The following SLC25A16 variants were observed in gnomAD, a reference collection of about 807,000 sequenced individuals.
SLC25A16 encodes the protein solute carrier family 25 member 16.
In SLC25A16, 39 loss-of-function variants were observed where a neutral mutation model predicts 41.5. That is an observed-to-expected ratio of 0.94 (90% CI 0.73 to 1.23). The LOEUF is 1.23. SLC25A16 is among the 50% of genes most tolerant of loss of function. The probability of loss-of-function intolerance (pLI) is 0.00; values close to 1 mark genes in which losing one functional copy is unlikely to be tolerated. For synonymous variants in SLC25A16, 146 were observed against 147.8 expected, an observed-to-expected ratio of 0.99 and a Z score of 0.09; for missense variants, 421 against 426.9, an observed-to-expected ratio of 0.99 and a Z score of 0.12.
rs2052963769 is a variant in SLC25A16, at chr10:68,506,828, C to T, written c.224-110G>A. 3 of 614,330 alleles carry T rather than the reference C, an allele frequency of 4.9e-6. No homozygotes were observed. In the South Asian group the frequency reaches 8.8e-5, roughly 18 times the overall value. 38.1% of individuals were successfully genotyped at this position (614,330 alleles called of 1,614,324 possible). ...TGCCATCACTCAAGATATAATTTTG[C>T]TTGAGGGATTACATGAATAGTAATT... On this transcript the variant is annotated intron_variant, in intron 2 of 8. Coordinates refer to ENST00000609923, the MANE Select transcript of SLC25A16 (RefSeq NM_152707.4).
chr10:68,518,542 G>A (rs761409574), intron 1 of SLC25A16, among the ~76,000 whole-genome samples: 5 of 151,984 alleles, frequency 3.3e-5, no homozygotes, highest in African/African-American at 9.7e-5. Flanking sequence ...TTGGGAGGCC[G>A]AGGCGGGCAG....
At chr10:68,506,517 A>G (rs2052957119) in intron 3 of SLC25A16, 68 bp downstream of exon 3, 1 of 1,087,036 alleles carries the variant, frequency 9.2e-7, no homozygotes, top group Non-Finnish European at 1.3e-6. Flanking sequence ...AAATGTCCAA[A>G]GCAAATGCCT....
intron 4 of SLC25A16, among the ~76,000 whole-genome samples, chr10:68,495,004 G>A (rs72797532): frequency 0.057 from 8,645 of 151,596 alleles, 388 homozygotes; most frequent in Non-Finnish European, 0.083. Context: ...GAGGTGTGTG[G>A]GTACCATGGC....
chr10:68,518,546 C>T (rs185933067), intron 1 of SLC25A16, among the ~76,000 whole-genome samples: 5 of 151,236 alleles, frequency 3.3e-5, no homozygotes, highest in Admixed American at 2.0e-4. Flanking sequence ...GAGGCCGAGG[C>T]GGGCAGATCA....
At chr10:68,509,016 TTAG>T (rs1306912291) in intron 2 of SLC25A16, among the ~76,000 whole-genome samples, 4 of 152,116 alleles carry the variant, frequency 2.6e-5, no homozygotes, top group South Asian at 2.1e-4. Context: ...AGAGAAACCA[TTAG>T]TAGAAGTGAA....
intron 2 of SLC25A16, among the ~76,000 whole-genome samples, chr10:68,509,987 G>A (rs1465002494): frequency 1.3e-5 from 2 of 150,732 alleles, no homozygotes; most frequent in African/African-American, 4.9e-5. Context: ...TAAGGCGGGA[G>A]AATCGCTTGA....
intron 4 of SLC25A16, chr10:68,499,607 A>C: frequency 3.1e-6 from 1 of 323,664 alleles, no homozygotes; most frequent in African/African-American, 2.2e-5. Context: ...ATCCAACATT[A>C]GCAGGAAGAT....
At chr10:68,523,536 G>A (rs548831314) in intron 1 of SLC25A16, among the ~76,000 whole-genome samples, 138 of 152,150 alleles carry the variant, frequency 9.1e-4, no homozygotes, top group African/African-American at 3.2e-3. Context: ...GCAGTGGAGC[G>A]ATCTTGTCTC....
At chr10:68,512,143 A>G (rs1237804163) in intron 2 of SLC25A16, among the ~76,000 whole-genome samples, 1 of 152,202 alleles carries the variant, frequency 6.6e-6, no homozygotes, top group Non-Finnish European at 1.5e-5. Context: ...TTGCAGAGGC[A>G]GGGCACAGTG....
intron 4 of SLC25A16, among the ~76,000 whole-genome samples, chr10:68,494,252 C>T (rs2052710047): frequency 6.6e-6 from 1 of 151,616 alleles, no homozygotes; most frequent in South Asian, 2.1e-4. Context: ...ATTATGAGGT[C>T]AAGAGATCGA....
chr10:68,520,406 T>C (rs1056317619), intron 1 of SLC25A16, among the ~76,000 whole-genome samples: 3 of 151,976 alleles, frequency 2.0e-5, no homozygotes, highest in South Asian at 2.1e-4. Context: ...CCGGGCACAA[T>C]GGCTCATGCC....
Position 68,488,623 on chromosome 10 carries a change from G to T in SLC25A16, c.617C>A (p.Ser206Ter). ...ILGMAPYAGV[S>*]FFTFGTLKSV... ...CTTCAAGGTACCAAAAGTAAAAAAT[G>T]AAACACCTGAAAAACAAAAAATAAA... The change falls in exon 7 of 9, where the codon TCA (serine) becomes TAA (stop). Residue 206 changes from serine to a stop codon, truncating the protein, a stop_gained. Coordinates refer to ENST00000609923, the MANE Select transcript of SLC25A16 (RefSeq NM_152707.4). LOFTEE classifies it high-confidence loss of function. 1 of 1,612,286 alleles carries T rather than the reference G, an allele frequency of 6.2e-7. No individual in the cohort carries two copies. The highest frequency in any genetic ancestry group is 8.5e-7 in the Non-Finnish European group (1 of 1,179,384).
intron 1 of SLC25A16, among the ~76,000 whole-genome samples, chr10:68,526,907 A>G (rs1157689829): frequency 6.6e-6 from 1 of 152,116 alleles, no homozygotes; most frequent in Non-Finnish European, 1.5e-5. Context: ...GGTTTTTATA[A>G]AAGAAAGGAG....
At chr10:68,487,068 C>G in intron 8 of SLC25A16, 76 bp downstream of exon 8, 1 of 1,012,098 alleles carries the variant, frequency 9.9e-7, no homozygotes, top group South Asian at 1.3e-5. Context: ...ATTGGTCAAA[C>G]TAGAGTCCTA....
intron 1 of SLC25A16, among the ~76,000 whole-genome samples, chr10:68,518,887 T>C (rs1304880201): frequency 1.3e-5 from 2 of 152,002 alleles, no homozygotes; most frequent in African/African-American, 4.8e-5. Context: ...AGCTCTCTTA[T>C]CCGAACTAAT....
chr10:68,492,413 G>A (rs10823213), intron 6 of SLC25A16, among the ~76,000 whole-genome samples: 24,429 of 152,124 alleles, frequency 0.16, 2,134 homozygotes, highest in South Asian at 0.26. Flanking sequence ...CTGCAATTTT[G>A]TCTTGTAACA....
intron 1 of SLC25A16, chr10:68,517,324 T>C (rs2053176418): frequency 7.2e-6 from 6 of 838,026 alleles, no homozygotes; most frequent in Middle Eastern, 6.2e-4. Context: ...CATCCATTTA[T>C]ACATTCAGCA....
chr10:68,524,218 G>A (rs996457770), intron 1 of SLC25A16, among the ~76,000 whole-genome samples: 3 of 149,126 alleles, frequency 2.0e-5, no homozygotes, highest in African/African-American at 7.5e-5. Flanking sequence ...GCTGAGGCAG[G>A]AGAATGGCGT....
At chr10:68,508,378 TGGATA>T (rs1392792009) in intron 2 of SLC25A16, among the ~76,000 whole-genome samples, 1 of 134,332 alleles carries the variant, frequency 7.4e-6, no homozygotes, top group African/African-American at 2.8e-5. Flanking sequence ...ATACAAAATG[TGGATA>T]GGAGAGTAAC....
Sources: allele counts gnomAD v4.1 joint callset (sites outside exome capture counted in the v4.1 genomes callset), GRCh38; gene constraint gnomAD v4.1.1; transcripts MANE v1.5; gene names NCBI Gene and HGNC (gene_info 2026-07-23, HGNC 2026-07-21).